RAP1A: variants seen among roughly 807,000 people sequenced by gnomAD.
RAP1A encodes ras-related protein Rap-1A.
In RAP1A, 6 loss-of-function variants were observed where a neutral mutation model predicts 26.4. That is an observed-to-expected ratio of 0.23 (90% confidence interval 0.12 to 0.45). The LOEUF (loss-of-function observed/expected upper bound fraction) is 0.45. Among genes scored for constraint, RAP1A ranks in the 20% least tolerant of loss-of-function variants. RAP1A has a pLI of 0.99. For missense variants in RAP1A, 121 were observed against 217.2 expected (o/e 0.56, Z 2.78); for synonymous variants, 73 against 79.4 (o/e 0.92, Z 0.43).
chr1:111,680,123 G>A (rs1249528912), intron 1 of RAP1A, among the ~76,000 whole-genome samples: 1 of 152,150 alleles, frequency 6.6e-6, no homozygotes, highest in Non-Finnish European at 1.5e-5. Flanking sequence ...GTCCAGAGTT[G>A]GTTCCTTCCG....
At chr1:111,675,866 G>T (rs886570033) in intron 1 of RAP1A, among the ~76,000 whole-genome samples, 4 of 152,228 alleles carry the variant, frequency 2.6e-5, no homozygotes, top group African/African-American at 9.6e-5. Flanking sequence ...AATCGTGACA[G>T]AAGGCAAGGA....
chr1:111,699,461 C>T (rs1179892726), intron 4 of RAP1A, among the ~76,000 whole-genome samples: 1 of 73,020 alleles, frequency 1.4e-5, no homozygotes, highest in Non-Finnish European at 2.7e-5. Flanking sequence ...ATCTCACTTC[C>T]TCTTTTTTTT....
chr1:111,598,055 A>G (rs1266534317), intron 1 of RAP1A, among the ~76,000 whole-genome samples: 1 of 152,218 alleles, frequency 6.6e-6, no homozygotes, highest in African/African-American at 2.4e-5. Context: ...CAACTATCCT[A>G]TGATGTAATC....
intron 1 of RAP1A, among the ~76,000 whole-genome samples, chr1:111,682,667 G>C (rs1661334882): frequency 6.6e-6 from 1 of 152,130 alleles, no homozygotes; most frequent in African/African-American, 2.4e-5. Flanking sequence ...GGAGTACCCA[G>C]ATTCATAAAG....
chr1:111,697,575 G>T, intron 4 of RAP1A, 78 bp downstream of exon 4: 18 of 1,581,386 alleles, frequency 1.1e-5, no homozygotes, highest in Non-Finnish European at 1.5e-5. Flanking sequence ...TTGTCATCCA[G>T]ATAATTCTGA....
chr1:111,685,307 G>A (rs1661434497), intron 1 of RAP1A, among the ~76,000 whole-genome samples: 1 of 152,058 alleles, frequency 6.6e-6, no homozygotes, highest in African/African-American at 2.4e-5. Context: ...CTTCTGCACA[G>A]CAAAAGAAAC....
chr1:111,694,930 G>A (rs1329119652), intron 2 of RAP1A, among the ~76,000 whole-genome samples: 1 of 152,006 alleles, frequency 6.6e-6, no homozygotes, highest in Non-Finnish European at 1.5e-5. Flanking sequence ...CAAAGACCCT[G>A]TGTTTAAAAA....
intron 1 of RAP1A, among the ~76,000 whole-genome samples, chr1:111,668,940 G>C (rs866032042): frequency 1.3e-5 from 2 of 151,088 alleles, no homozygotes; most frequent in African/African-American, 2.4e-5. Flanking sequence ...TGAGGTATGA[G>C]GATCCCTTGA....
intron 1 of RAP1A, among the ~76,000 whole-genome samples, chr1:111,571,327 TC>T (rs766992908): frequency 1.3e-5 from 2 of 152,058 alleles, no homozygotes; most frequent in Non-Finnish European, 1.5e-5. Flanking sequence ...GCTTCCTGGG[TC>T]CCATTGTTCA....
chr1:111,579,888 C>A (rs917381922), intron 1 of RAP1A, among the ~76,000 whole-genome samples: 1 of 152,000 alleles, frequency 6.6e-6, no homozygotes, highest in Non-Finnish European at 1.5e-5. Context: ...CGGCTCACTG[C>A]AAGCGAGTCT....
intron 1 of RAP1A, among the ~76,000 whole-genome samples, chr1:111,594,773 T>C (rs565033518): frequency 6.6e-6 from 1 of 152,362 alleles, no homozygotes; most frequent in South Asian, 2.1e-4. Flanking sequence ...AAATGATTCA[T>C]GAAAATCATC....
chr1:111,619,717 C>A (rs1351463295), upstream of RAP1A: 10 of 393,218 alleles, frequency 2.5e-5, no homozygotes, highest in Non-Finnish European at 4.5e-5. Context: ...CCATCGCCAA[C>A]TTGGAGGGGC....
chr1:111,624,804 A>G (rs1659342720), intron 1 of RAP1A, among the ~76,000 whole-genome samples: 1 of 152,208 alleles, frequency 6.6e-6, no homozygotes, highest in African/African-American at 2.4e-5. Flanking sequence ...GAAATACTTG[A>G]TATACGCATG....
intron 1 of RAP1A, among the ~76,000 whole-genome samples, chr1:111,581,369 G>A (rs1334932460): frequency 1.3e-5 from 2 of 152,162 alleles, no homozygotes; most frequent in African/African-American, 4.8e-5. Context: ...TCAGTATCTG[G>A]AAACATTTTT....
At chr1:111,668,622 G>C (rs1479128061) in intron 1 of RAP1A, among the ~76,000 whole-genome samples, 1 of 152,160 alleles carries the variant, frequency 6.6e-6, no homozygotes, top group East Asian at 1.9e-4. Context: ...CAGGCGGTAT[G>C]GGTCCTAAAG....
At chr1:111,664,876 G>C (rs935789682) in intron 1 of RAP1A, among the ~76,000 whole-genome samples, 7 of 152,160 alleles carry the variant, frequency 4.6e-5, no homozygotes, top group African/African-American at 1.4e-4. Flanking sequence ...CACATGGTAA[G>C]CACTCAGTAA....
chr1:111,563,685 C>T (rs1452235898), intron 1 of RAP1A, among the ~76,000 whole-genome samples: 3 of 152,224 alleles, frequency 2.0e-5, no homozygotes, highest in Admixed American at 2.0e-4. Flanking sequence ...ATCATCTTCA[C>T]AACCCTGTGG....
intron 1 of RAP1A, among the ~76,000 whole-genome samples, chr1:111,575,735 C>CT (rs1410486437): frequency 6.6e-6 from 1 of 152,152 alleles, no homozygotes; most frequent in East Asian, 1.9e-4. Flanking sequence ...GACACCAAAC[C>CT]TGCTGACACC....
At chr1:111,641,937 G>T (rs531103217) in intron 1 of RAP1A, among the ~76,000 whole-genome samples, 6 of 152,028 alleles carry the variant, frequency 3.9e-5, no homozygotes, top group African/African-American at 7.2e-5. Context: ...TAGCCTTTTT[G>T]CCTCGTCTAT....
Sources: gnomAD v4.1 joint callset for allele counts (sites outside exome capture counted in the v4.1 genomes callset) on GRCh38, gnomAD v4.1.1 for gene constraint, MANE v1.5 for transcripts, NCBI Gene and HGNC (gene_info 2026-07-23, HGNC 2026-07-21) for gene names.